The following LRP1B variants were observed in gnomAD, a reference collection of about 807,000 sequenced individuals.
The protein encoded by LRP1B is low-density lipoprotein receptor-related protein 1B.
LRP1B carries 217 observed loss-of-function variants against 556.6 expected under a neutral mutation model. That is an observed-to-expected ratio of 0.39 (90% CI 0.35 to 0.44). The LOEUF (loss-of-function observed/expected upper bound fraction) is 0.44, where lower values mean the gene tolerates loss of function less well. Among genes scored for constraint, LRP1B ranks in the 20% least tolerant of loss-of-function variants. The pLI is 1.00. For missense variants in LRP1B, 5,053 were observed against 5,620.8 expected, an observed-to-expected ratio of 0.90 and a Z score of 3.23; for synonymous variants, 2,047 against 1,865.8, an observed-to-expected ratio of 1.10 and a Z score of -2.50.
intron 2 of LRP1B, among the ~76,000 whole-genome samples, chr2:141,528,130 T>C (rs1237998050): frequency 2.6e-5 from 4 of 151,710 alleles, no homozygotes; most frequent in African/African-American, 9.7e-5. Context: ...CCTCTTCCAG[T>C]GGCTTCTGCT....
chr2:141,685,383 G>A (rs974624714), intron 2 of LRP1B, among the ~76,000 whole-genome samples: 1 of 151,990 alleles, frequency 6.6e-6, no homozygotes, highest in Non-Finnish European at 1.5e-5. Context: ...TAATTGGATT[G>A]AGATTTTTGC....
chr2:141,610,388 G>T (rs1204404456), intron 2 of LRP1B, among the ~76,000 whole-genome samples: 1 of 146,696 alleles, frequency 6.8e-6, no homozygotes, highest in East Asian at 2.0e-4. Flanking sequence ...CTGTGATCTA[G>T]GCATTGTAAA....
At chr2:140,631,631 T>C (rs943015125) in intron 41 of LRP1B, among the ~76,000 whole-genome samples, 5 of 151,772 alleles carry the variant, frequency 3.3e-5, no homozygotes, top group African/African-American at 1.2e-4. Flanking sequence ...AAAAGGACAA[T>C]AAAAAACGAA....
At chr2:141,395,799 G>A (rs1030862361) in intron 3 of LRP1B, among the ~76,000 whole-genome samples, 1 of 152,256 alleles carries the variant, frequency 6.6e-6, no homozygotes, top group African/African-American at 2.4e-5. Context: ...AAGTATTTCA[G>A]AAGCCTGATG....
At position 141,013,506 on chromosome 2, in the gene LRP1B, A is replaced by T. The variant is rs1373124421; in HGVS notation, c.2380+50T>A. 5 of 1,357,700 alleles carry T rather than the reference A, an allele frequency of 3.7e-6. No individual in the cohort carries two copies. The South Asian group carries it at 5.9e-5, about 16-fold the overall frequency. The allele number at this position is 1,357,700 out of a possible 1,614,324, so 84.1% of individuals were successfully genotyped here. ...GATAAATCTTTTATAACTTCTGTGA[A>T]GTATTATTATATGTGAATCTCAGAA... On this transcript the variant is annotated intron_variant, in intron 14 of 90. Transcript: ENST00000389484.
chr2:140,601,426 A>T, intron 42 of LRP1B, 24 bp downstream of exon 42: 2 of 1,522,444 alleles, frequency 1.3e-6, no homozygotes, highest in Non-Finnish European at 1.8e-6. Context: ...TATAATGAAG[A>T]AATAAAACTA....
intron 3 of LRP1B, among the ~76,000 whole-genome samples, chr2:141,343,371 A>G (rs1357025): frequency 0.61 from 92,226 of 152,036 alleles, 28,876 homozygotes; most frequent in African/African-American, 0.69. Context: ...TATCATCTGT[A>G]TCATTTTCAA....
intron 1 of LRP1B, among the ~76,000 whole-genome samples, chr2:141,874,084 A>ATTTTTTTTTTT (rs200281267): frequency 5.8e-5 from 6 of 103,122 alleles, no homozygotes; most frequent in East Asian, 2.6e-4. Context: ...TGAACTAACA[A>ATTTTTTTTTTT]TTTTTTTTTT....
At chr2:140,301,478 G>A (rs1469798522) in intron 83 of LRP1B, among the ~76,000 whole-genome samples, 1 of 152,042 alleles carries the variant, frequency 6.6e-6, no homozygotes, top group Admixed American at 6.6e-5. Flanking sequence ...ACATCCTTGA[G>A]CTTCTTCAAA....
At chr2:140,374,723 C>A (rs938561897) in intron 68 of LRP1B, among the ~76,000 whole-genome samples, 1 of 152,040 alleles carries the variant, frequency 6.6e-6, no homozygotes, top group African/African-American at 2.4e-5. Flanking sequence ...AACTTTATCC[C>A]AGCTCTACTG....
chr2:141,047,075 A>ATAATAG (rs1441056047), intron 11 of LRP1B, among the ~76,000 whole-genome samples: 3 of 15,516 alleles, frequency 1.9e-4, no homozygotes, highest in Non-Finnish European at 6.6e-4. Context: ...AATAATAATA[A>ATAATAG]TAATAATAAT....
rs970306366 is a variant in LRP1B, at chr2:140,335,823, T to C, written c.11908A>G (p.Arg3970Gly). The C allele has an allele frequency of 6.2e-7, 1 of 1,608,826 alleles. No homozygotes were observed. The highest frequency in any genetic ancestry group is 8.5e-7 in the Non-Finnish European group (1 of 1,176,308). Residue 3970 changes from arginine (R) to glycine (G), a missense_variant, in exon 78 of 91, where the codon AGG becomes GGG. Transcript: ENST00000389484. The stretch of plus-strand genomic sequence containing the variant: ...CAGTCAACTGCAATGTCCCTGGGCC[T>C]TTTAAATTCAGGACACTACAAGGAA... ...NSGLICPEFK[R>G]PRDIAVDWVA...
In LRP1B at chr2:140,581,938, G is replaced by T. The variant is rs115750877; in HGVS notation, c.7194+16693C>A. Among the ~76,000 whole-genome samples, 640 of 152,166 alleles carry T rather than the reference G, an allele frequency of 4.2e-3. 2 individuals are homozygous for T. Among genetic ancestry groups the T allele is most frequent in the African/African-American group, 0.015 (608 of 41,520 alleles). ...ACATCATTCACTTTAAATTGATATT[G>T]TTTCCGTGTATCCCCTAATATCGGT... On this transcript the variant is annotated intron_variant, in intron 43 of 90. Coordinates refer to ENST00000389484, the MANE Select transcript of LRP1B (RefSeq NM_018557.3).
chr2:141,455,397 G>A (rs1384244967), intron 3 of LRP1B, among the ~76,000 whole-genome samples: 1 of 152,144 alleles, frequency 6.6e-6, no homozygotes, highest in Non-Finnish European at 1.5e-5. Context: ...TGCTTGCTCA[G>A]CGATCTGTAT....
At chr2:140,481,578 T>A (rs990211216) in intron 59 of LRP1B, among the ~76,000 whole-genome samples, 8 of 137,130 alleles carry the variant, frequency 5.8e-5, no homozygotes, top group African/African-American at 1.6e-4. Context: ...GGTAGCCATC[T>A]TTATTATTAT....
intron 1 of LRP1B, among the ~76,000 whole-genome samples, chr2:142,068,444 T>G (rs969719736): frequency 6.6e-6 from 1 of 151,554 alleles, no homozygotes; most frequent in African/African-American, 2.4e-5. Context: ...TTCTATCAGC[T>G]TTAAATAGAA....
intron 3 of LRP1B, among the ~76,000 whole-genome samples, chr2:141,436,265 T>A (rs1484503325): frequency 6.6e-6 from 1 of 152,180 alleles, no homozygotes; most frequent in Non-Finnish European, 1.5e-5. Flanking sequence ...TTGTTTCTGA[T>A]GTGTGGTGAA....
intron 7 of LRP1B, among the ~76,000 whole-genome samples, chr2:141,063,533 A>G (rs1182395216): frequency 6.6e-6 from 1 of 151,768 alleles, no homozygotes; most frequent in Non-Finnish European, 1.5e-5. Flanking sequence ...AGATCTTTCT[A>G]GTCTAGTGAA....
chr2:140,686,052 GACC>G (rs1241493571), intron 41 of LRP1B, among the ~76,000 whole-genome samples: 1 of 152,096 alleles, frequency 6.6e-6, no homozygotes, highest in Non-Finnish European at 1.5e-5. Flanking sequence ...CCAAAATATA[GACC>G]ACTGGGAAGG....
Sources: allele counts gnomAD v4.1 joint callset (sites outside exome capture counted in the v4.1 genomes callset), GRCh38; gene constraint gnomAD v4.1.1; transcripts MANE v1.5; gene names NCBI Gene and HGNC (gene_info 2026-07-23, HGNC 2026-07-21).